ERG: variants seen among roughly 807,000 people sequenced by gnomAD.
ERG encodes ETS transcription factor ERG, also known as transcriptional regulator ERG.
A neutral mutation model predicts 55.3 loss-of-function variants in ERG; 9 were observed. The ratio of observed to expected loss-of-function variants is 0.16; its 90% CI spans 0.10 to 0.28. ERG has a LOEUF of 0.28. Among genes scored for constraint, ERG ranks in the 10% least tolerant of loss-of-function variants. ERG has a pLI of 1.00. For synonymous variants in ERG, 223 were observed against 237.3 expected, an observed-to-expected ratio of 0.94 and a Z score of 0.55; for missense variants, 434 against 631.6, an observed-to-expected ratio of 0.69 and a Z score of 3.35.
intron 2 of ERG, among the ~76,000 whole-genome samples, chr21:38,566,353 T>C (rs564490309): frequency 2.6e-5 from 4 of 152,296 alleles, no homozygotes; most frequent in Non-Finnish European, 5.9e-5. Flanking sequence ...CCCACAACAG[T>C]GGCCCCACAC....
At chr21:38,641,556 G>A (rs932009383) in intron 1 of ERG, among the ~76,000 whole-genome samples, 14 of 152,136 alleles carry the variant, frequency 9.2e-5, no homozygotes, top group East Asian at 5.8e-4. Context: ...CACCAAATAC[G>A]TCCCCCTTTG....
At chr21:38,391,383 A>G (rs1019389184) in intron 8 of ERG, among the ~76,000 whole-genome samples, 2 of 152,200 alleles carry the variant, frequency 1.3e-5, no homozygotes, top group African/African-American at 4.8e-5. Context: ...TAGGCATGGA[A>G]AGTAAAATCT....
chr21:38,582,217 GT>G (rs2060034304), intron 1 of ERG, among the ~76,000 whole-genome samples: 1 of 152,152 alleles, frequency 6.6e-6, no homozygotes, highest in African/African-American at 2.4e-5. Flanking sequence ...TAAAAGGGGG[GT>G]TGTGGGAACC....
intron 2 of ERG, among the ~76,000 whole-genome samples, chr21:38,506,940 C>T (rs2059465743): frequency 6.6e-6 from 1 of 152,132 alleles, no homozygotes; most frequent in Non-Finnish European, 1.5e-5. Flanking sequence ...GTGTCACCTG[C>T]TCGTCTGCTA....
chr21:38,654,213 C>G (rs940307205), intron 1 of ERG, among the ~76,000 whole-genome samples: 16 of 152,244 alleles, frequency 1.1e-4, no homozygotes, highest in African/African-American at 3.9e-4. Context: ...CGCAGTGGCT[C>G]ACGCCTGTAA....
Position 38,396,192 on chromosome 21 carries a change from C to T in ERG, c.746-3748G>A, listed in dbSNP as rs1410137480. Among the ~76,000 whole-genome samples the T allele has an allele frequency of 3.3e-5, 5 of 152,288 alleles. No homozygotes were observed. The East Asian group carries it at 5.8e-4, about 18-fold the overall frequency. ...AAATGAAAAAAAAAGTTTGAGTCAACCTTAACATAATTAAGTTGCTCTCTA... is the reference window on the plus strand; with the variant it reads ...AAATGAAAAAAAAAGTTTGAGTCAATCTTAACATAATTAAGTTGCTCTCTA... On this transcript the variant is annotated intron_variant, in intron 6 of 9. Transcript: ENST00000288319.
chr21:38,390,562 G>C (rs1363244505), intron 9 of ERG, among the ~76,000 whole-genome samples: 2 of 152,198 alleles, frequency 1.3e-5, no homozygotes, highest in Non-Finnish European at 2.9e-5. Flanking sequence ...CACACACAGA[G>C]AGATGATGAT....
intron 1 of ERG, among the ~76,000 whole-genome samples, chr21:38,577,536 G>A (rs147124659): frequency 2.0e-5 from 3 of 152,088 alleles, no homozygotes; most frequent in African/African-American, 4.8e-5. Flanking sequence ...AAATTGAACC[G>A]GGAAGCAGAT....
intron 1 of ERG, among the ~76,000 whole-genome samples, chr21:38,464,373 C>T (rs1178838465): frequency 6.6e-6 from 1 of 152,144 alleles, no homozygotes; most frequent in East Asian, 1.9e-4. Context: ...CAGAGAGTAA[C>T]AGCAGTGCTT....
intron 2 of ERG, among the ~76,000 whole-genome samples, chr21:38,529,114 T>A (rs2059653431): frequency 6.6e-6 from 1 of 151,498 alleles, no homozygotes; most frequent in South Asian, 2.1e-4. Context: ...GCAGGTGAGA[T>A]CTTGAAGGGC....
At chr21:38,419,191 T>C (rs1052009458) in intron 3 of ERG, among the ~76,000 whole-genome samples, 5 of 152,332 alleles carry the variant, frequency 3.3e-5, no homozygotes, top group Admixed American at 1.3e-4. Flanking sequence ...ATGGGAATTA[T>C]GGCCTAACCA....
At chr21:38,481,771 C>T (rs2059240617) in intron 1 of ERG, among the ~76,000 whole-genome samples, 1 of 152,142 alleles carries the variant, frequency 6.6e-6, no homozygotes, top group African/African-American at 2.4e-5. Flanking sequence ...ATACTAGACA[C>T]CAGCAGACAT....
At chr21:38,654,261 T>C (rs1852678208) in intron 1 of ERG, among the ~76,000 whole-genome samples, 2 of 152,252 alleles carry the variant, frequency 1.3e-5, no homozygotes, top group South Asian at 4.1e-4. Context: ...GCAGATCACC[T>C]GAGGTCAGGA....
intron 1 of ERG, among the ~76,000 whole-genome samples, chr21:38,657,842 A>C (rs1002517901): frequency 3.3e-5 from 5 of 152,166 alleles, no homozygotes; most frequent in African/African-American, 1.2e-4. Flanking sequence ...GAACAGCAAC[A>C]ATATGGAGGG....
chr21:38,595,661 T>C (rs1426188899), intron 1 of ERG, among the ~76,000 whole-genome samples: 6 of 152,068 alleles, frequency 3.9e-5, no homozygotes, highest in Non-Finnish European at 8.8e-5. Flanking sequence ...ACAGCAAGAC[T>C]TTCCAGAGGC....
intron 2 of ERG, among the ~76,000 whole-genome samples, chr21:38,527,051 TGA>T (rs1373740764): frequency 1.3e-5 from 2 of 152,156 alleles, no homozygotes; most frequent in African/African-American, 4.8e-5. Flanking sequence ...TCCTCAGATC[TGA>T]GAGTAATTTT....
At chr21:38,509,527 C>T (rs867252527) in intron 2 of ERG, among the ~76,000 whole-genome samples, 2 of 152,244 alleles carry the variant, frequency 1.3e-5, no homozygotes, top group Middle Eastern at 3.4e-3. Flanking sequence ...TTTCTAGGCT[C>T]ATTAAATGTA....
Position 38,475,417 on chromosome 21 carries a change from C to T in ERG, c.18+22946G>A, listed in dbSNP as rs192183633. ...CGGTGTCCAGGACTGTGCCCGATTA[C>T]AATCAAAGCAGATGGACCCTTCCTT... On this transcript the variant is annotated intron_variant, in intron 1 of 9. Coordinates refer to ENST00000288319, the MANE Select transcript of ERG (RefSeq NM_182918.4). Among the ~76,000 whole-genome samples the T allele has an allele frequency of 2.0e-5, 3 of 152,306 alleles. No individual in the cohort carries two copies. In the East Asian group the frequency reaches 5.8e-4, roughly 29 times the overall value.
At chr21:38,453,283 G>C (rs1302393071) in intron 1 of ERG, among the ~76,000 whole-genome samples, 1 of 152,136 alleles carries the variant, frequency 6.6e-6, no homozygotes, top group Non-Finnish European at 1.5e-5. Flanking sequence ...GAAGGAGGGA[G>C]CATTCAATCT....
Sources: allele counts gnomAD v4.1 joint callset (sites outside exome capture counted in the v4.1 genomes callset), GRCh38; gene constraint gnomAD v4.1.1; transcripts MANE v1.5; gene names NCBI Gene and HGNC (gene_info 2026-07-23, HGNC 2026-07-21).